Variants in ELOVL6 observed in about 807,000 individuals in gnomAD.
ELOVL6 encodes very long chain fatty acid elongase 6.
A neutral mutation model predicts 31.7 loss-of-function variants in ELOVL6; 8 were observed. That is an observed-to-expected ratio of 0.25 (90% CI 0.15 to 0.45). The LOEUF is 0.45. ELOVL6 is among the 20% of genes least tolerant of loss of function. The pLI is 1.00. For missense variants in ELOVL6, 126 were observed against 326.4 expected, an observed-to-expected ratio of 0.39 and a Z score of 4.73; for synonymous variants, 101 against 117.7, an observed-to-expected ratio of 0.86 and a Z score of 0.92.
intron 2 of ELOVL6, among the ~76,000 whole-genome samples, chr4:110,082,450 T>C (rs1408135775): frequency 3.9e-5 from 6 of 151,998 alleles, no homozygotes; most frequent in African/African-American, 1.4e-4. Context: ...TGTAGGGACA[T>C]GGATGAAGCT....
At chr4:110,177,631 T>C (rs1011817640) in intron 1 of ELOVL6, among the ~76,000 whole-genome samples, 39 of 152,146 alleles carry the variant, frequency 2.6e-4, no homozygotes, top group African/African-American at 8.7e-4. Flanking sequence ...AGCCACCTTG[T>C]GACCATGAAG....
At chr4:110,128,753 C>T (rs1340410097) in intron 1 of ELOVL6, among the ~76,000 whole-genome samples, 1 of 152,190 alleles carries the variant, frequency 6.6e-6, no homozygotes, top group East Asian at 1.9e-4. Context: ...TTATCATGTT[C>T]TTAGATATAA....
At chr4:110,164,737 T>G (rs1031982435) in intron 1 of ELOVL6, among the ~76,000 whole-genome samples, 4 of 90,638 alleles carry the variant, frequency 4.4e-5, no homozygotes, top group African/African-American at 2.5e-4. Flanking sequence ...GGACCCTGTC[T>G]CAAAAAAAAA....
intron 2 of ELOVL6, among the ~76,000 whole-genome samples, chr4:110,069,677 G>A (rs1029468499): frequency 6.6e-6 from 1 of 152,206 alleles, no homozygotes; most frequent in Admixed American, 6.5e-5. Context: ...AGAATCTTCT[G>A]TCTACAGCTC....
rs994676550 is a variant in ELOVL6 at position 110,165,544 on chromosome 4, T to C, written c.89+32703A>G. Among the ~76,000 whole-genome samples the C allele has an allele frequency of 3.9e-5, 6 of 152,318 alleles. No homozygotes were observed. In the East Asian group the frequency reaches 1.2e-3, roughly 29 times the overall value. ...ACAGGAGGGATGAGCTCAGGTTGTC[T>C]AGCTCAGAGACACAGCAGCCTGCAC... On this transcript the variant is annotated intron_variant, in intron 1 of 3. Transcript: ENST00000302274.
intron 1 of ELOVL6, among the ~76,000 whole-genome samples, chr4:110,110,603 C>G (rs937005390): frequency 1.3e-5 from 2 of 151,856 alleles, no homozygotes; most frequent in East Asian, 3.9e-4. Flanking sequence ...AGTATGCTGG[C>G]CAGACTGGTC....
chr4:110,146,297 T>C (rs1758107600), intron 1 of ELOVL6: 1 of 152,144 alleles, frequency 6.6e-6, no homozygotes, highest in South Asian at 2.1e-4. Context: ...TGGACTCCTA[T>C]GTACAAAAAT....
intron 2 of ELOVL6, among the ~76,000 whole-genome samples, chr4:110,104,604 T>A (rs1756835439): frequency 6.6e-6 from 1 of 152,218 alleles, no homozygotes; most frequent in African/African-American, 2.4e-5. Flanking sequence ...TGAATATTTA[T>A]AAATATGAAA....
chr4:110,059,430 A>G (rs1755079667), intron 3 of ELOVL6, among the ~76,000 whole-genome samples, 173 bp downstream of exon 3: 1 of 152,248 alleles, frequency 6.6e-6, no homozygotes, highest in South Asian at 2.1e-4. Flanking sequence ...ATTTAAAAGG[A>G]AAGAGGGAGC....
At chr4:110,092,820 C>T (rs72679204) in intron 2 of ELOVL6, among the ~76,000 whole-genome samples, 11 of 151,854 alleles carry the variant, frequency 7.2e-5, no homozygotes, top group African/African-American at 1.9e-4. Flanking sequence ...CACACACACA[C>T]GTGCACACAT....
intron 2 of ELOVL6, among the ~76,000 whole-genome samples, chr4:110,073,837 T>C (rs975698561): frequency 6.6e-6 from 1 of 152,190 alleles, no homozygotes; most frequent in African/African-American, 2.4e-5. Context: ...TGGAAGATAA[T>C]TGGTTTATCT....
At chr4:110,057,884 C>T (rs1208772454) in intron 3 of ELOVL6, among the ~76,000 whole-genome samples, 21 of 149,044 alleles carry the variant, frequency 1.4e-4, no homozygotes, top group African/African-American at 3.2e-4. Flanking sequence ...AATCACAAAA[C>T]CCCAAGAGTA....
chr4:110,063,272 G>T (rs1331885962), intron 2 of ELOVL6, among the ~76,000 whole-genome samples: 2 of 152,152 alleles, frequency 1.3e-5, no homozygotes, highest in African/African-American at 2.4e-5. Context: ...TCTAGGAGCC[G>T]AGGATGGCTG....
chr4:110,152,251 C>T (rs1181697001), intron 1 of ELOVL6, among the ~76,000 whole-genome samples: 3 of 152,186 alleles, frequency 2.0e-5, no homozygotes, highest in South Asian at 4.1e-4. Context: ...CTATTATGGA[C>T]ACTTCTCTTT....
At chr4:110,190,816 T>TC (rs1434789617) in intron 1 of ELOVL6, among the ~76,000 whole-genome samples, 2 of 151,536 alleles carry the variant, frequency 1.3e-5, no homozygotes, top group African/African-American at 4.8e-5. Flanking sequence ...CTTTTTTTTT[T>TC]TTCAATTTTT....
chr4:110,069,146 T>C (rs1755392816), intron 2 of ELOVL6, among the ~76,000 whole-genome samples: 1 of 139,850 alleles, frequency 7.2e-6, no homozygotes, highest in Admixed American at 8.1e-5. Flanking sequence ...ATAATAATAA[T>C]AATAATAATA....
chr4:110,169,210 C>T lies in ELOVL6; in HGVS notation c.89+29037G>A, dbSNP rs541595001. Among the ~76,000 whole-genome samples the T allele has an allele frequency of 7.3e-5, 11 of 150,192 alleles. No individual in the cohort carries two copies. In the South Asian group the frequency reaches 1.1e-3, roughly 15 times the overall value. On this transcript the variant is annotated intron_variant, in intron 1 of 3. Coordinates refer to ENST00000302274, the MANE Select transcript of ELOVL6 (RefSeq NM_024090.3). Reference sequence around the variant, plus strand: ...AATTACAGGTGTGAGCCACTGCACCCGACCCCAACAGAGTTTTGGGGTTTT... The same window carrying T: ...AATTACAGGTGTGAGCCACTGCACCTGACCCCAACAGAGTTTTGGGGTTTT...
intron 1 of ELOVL6, among the ~76,000 whole-genome samples, chr4:110,120,976 T>C (rs567889545): frequency 6.6e-6 from 1 of 152,152 alleles, no homozygotes; most frequent in Non-Finnish European, 1.5e-5. Context: ...AATTTTCGTA[T>C]TTTTAGTAGA....
chr4:110,141,636 ATATTG>A (rs935123641), intron 1 of ELOVL6, among the ~76,000 whole-genome samples: 6 of 150,516 alleles, frequency 4.0e-5, no homozygotes, highest in South Asian at 2.1e-4. Flanking sequence ...TACAGCATTA[ATATTG>A]TATTGTATTG....
Sources: allele counts gnomAD v4.1 joint callset (sites outside exome capture counted in the v4.1 genomes callset), GRCh38; gene constraint gnomAD v4.1.1; transcripts MANE v1.5; gene names NCBI Gene and HGNC (gene_info 2026-07-23, HGNC 2026-07-21).